The following RAPGEF5 variants were observed in gnomAD, a reference collection of about 807,000 sequenced individuals.
The protein encoded by RAPGEF5 is M-Ras-regulated GEF.
Under a neutral mutation model 125.2 loss-of-function variants are expected in RAPGEF5, and 65 were observed. The ratio of observed to expected loss-of-function variants is 0.52; its 90% CI spans 0.43 to 0.64. The LOEUF is 0.64. RAPGEF5 is among the 30% of genes least tolerant of loss of function. The pLI, the probability that RAPGEF5 is intolerant of heterozygous loss-of-function variation, is 0.00. For missense variants in RAPGEF5, 958 were observed against 1,048.1 expected (o/e 0.91, Z 1.19); for synonymous variants, 391 against 385.9 (o/e 1.01, Z -0.16).
At chr7:22,330,421 A>G (rs61398082) in intron 1 of RAPGEF5, among the ~76,000 whole-genome samples, 10,632 of 152,296 alleles carry the variant, frequency 0.07, 481 homozygotes, top group South Asian at 0.16. Context: ...GACAGAAGAC[A>G]GTGATAACCT....
intron 11 of RAPGEF5, among the ~76,000 whole-genome samples, chr7:22,187,433 C>T (rs1005040368): frequency 3.9e-5 from 6 of 152,108 alleles, no homozygotes; most frequent in African/African-American, 1.4e-4. Flanking sequence ...TATGCATTTT[C>T]TCCTTTCGTA....
chr7:22,259,911 C>T (rs980190652), intron 7 of RAPGEF5, among the ~76,000 whole-genome samples: 1 of 152,176 alleles, frequency 6.6e-6, no homozygotes, highest in African/African-American at 2.4e-5. Context: ...CATGGTGAAA[C>T]CCCGTCTACT....
chr7:22,262,357 A>T (rs1782176055), intron 7 of RAPGEF5, among the ~76,000 whole-genome samples: 1 of 152,208 alleles, frequency 6.6e-6, no homozygotes, highest in South Asian at 2.1e-4. Flanking sequence ...AAAAATGACG[A>T]AAAGGTATCA....
At chr7:22,341,043 CATATAA>C (rs1784118318) in intron 1 of RAPGEF5, among the ~76,000 whole-genome samples, 1 of 152,162 alleles carries the variant, frequency 6.6e-6, no homozygotes, top group Admixed American at 6.5e-5. Flanking sequence ...TGTTTTCTGA[CATATAA>C]ATATAAGAAA....
intron 20 of RAPGEF5, among the ~76,000 whole-genome samples, chr7:22,143,050 G>C (rs1359284703): frequency 6.6e-6 from 1 of 152,090 alleles, no homozygotes; most frequent in Non-Finnish European, 1.5e-5. Flanking sequence ...CTTATAGTGG[G>C]AACTGAGCTG....
chr7:22,325,538 G>A (rs1180686548), intron 1 of RAPGEF5, among the ~76,000 whole-genome samples: 1 of 152,158 alleles, frequency 6.6e-6, no homozygotes, highest in African/African-American at 2.4e-5. Context: ...TATACACAGA[G>A]GGAGTAGATA....
At position 22,154,493 on chromosome 7, in the gene RAPGEF5, T is replaced by A; in HGVS notation, c.1748A>T (p.Glu583Val). ...GATGGCCACCAGAGCCAGATCCTCTTCTGCATACTGGATCTTTTCTGCCAC... is the reference window on the plus strand; with the variant it reads ...GATGGCCACCAGAGCCAGATCCTCTACTGCATACTGGATCTTTTCTGCCAC... ...KVVAEKIQYA[E>V]EDLALVAITF... is the part of the protein sequence containing the mutation. Residue 583 changes from glutamate (E) to valine (V), a missense_variant, in exon 17 of 26, where the codon GAA becomes GTA. Physicochemically the swap from Glu to Val is moderately radical, Grantham distance 121. Transcript: ENST00000665637. 1.9e-6 allele frequency: 3 copies of A among 1,613,874 alleles called. No homozygotes were observed. The highest frequency in any genetic ancestry group is 2.5e-6 in the Non-Finnish European group (3 of 1,179,816).
intron 7 of RAPGEF5, among the ~76,000 whole-genome samples, chr7:22,259,975 T>G (rs547687286): frequency 6.6e-6 from 1 of 152,236 alleles, no homozygotes; most frequent in Non-Finnish European, 1.5e-5. Flanking sequence ...TCCCAGCTAC[T>G]TGGGAGGCTG....
At chr7:22,316,477 ATATATATATATATTTTT>A (rs1412420322) in intron 2 of RAPGEF5, among the ~76,000 whole-genome samples, 155 of 59,056 alleles carry the variant, frequency 2.6e-3, no homozygotes, top group African/African-American at 0.011. Flanking sequence ...ATATATATAT[ATATATATATATATTTTT>A]TTTTTTTTTT....
intron 6 of RAPGEF5, among the ~76,000 whole-genome samples, chr7:22,281,831 A>G (rs1341504409): frequency 6.6e-6 from 1 of 152,168 alleles, no homozygotes; most frequent in African/African-American, 2.4e-5. Flanking sequence ...TCCTCTCAGG[A>G]GCCTCACTGG....
At chr7:22,354,302 T>C (rs1376822800) in intron 1 of RAPGEF5, among the ~76,000 whole-genome samples, 1 of 152,194 alleles carries the variant, frequency 6.6e-6, no homozygotes, top group Non-Finnish European at 1.5e-5. Flanking sequence ...GTGTCTTTAC[T>C]AGTGGTAATG....
chr7:22,198,749 G>A (rs983151527), intron 9 of RAPGEF5, among the ~76,000 whole-genome samples: 1 of 152,138 alleles, frequency 6.6e-6, no homozygotes, highest in African/African-American at 2.4e-5. Flanking sequence ...TTACCATACA[G>A]CAGGCAAAGC....
At position 22,302,157 on chromosome 7, in the gene RAPGEF5, C is replaced by T. The variant is rs185426428; in HGVS notation, c.680+6182G>A. Among the ~76,000 whole-genome samples the T allele has an allele frequency of 5.3e-3, 813 of 152,342 alleles. 10 individuals are homozygous for T. Among genetic ancestry groups the T allele is most frequent in the Admixed American group, 8.2e-3 (125 of 15,308 alleles). On this transcript the variant is annotated intron_variant, in intron 5 of 25. Transcript: ENST00000665637. Reference sequence around the variant, plus strand: ...CATTAAGAGAAGCAAATTCCACGATCTTGTAATCCCTTTTGGATACAAATA... The same window carrying T: ...CATTAAGAGAAGCAAATTCCACGATTTTGTAATCCCTTTTGGATACAAATA...
intron 9 of RAPGEF5, among the ~76,000 whole-genome samples, chr7:22,205,422 G>C (rs1335024480): frequency 6.6e-6 from 1 of 152,144 alleles, no homozygotes; most frequent in Non-Finnish European, 1.5e-5. Context: ...TCGACTGTGG[G>C]AAACATCTCA....
chr7:22,159,424 T>G (rs911929215), intron 14 of RAPGEF5, among the ~76,000 whole-genome samples: 2 of 152,378 alleles, frequency 1.3e-5, no homozygotes, highest in Admixed American at 6.5e-5. Context: ...CACAAATTAG[T>G]AATCTGAAAG....
chr7:22,211,562 G>T (rs1025338976), intron 9 of RAPGEF5, among the ~76,000 whole-genome samples: 4 of 152,150 alleles, frequency 2.6e-5, no homozygotes, highest in African/African-American at 9.7e-5. Flanking sequence ...GACTTGAGCT[G>T]CCCACAGCAA....
intron 6 of RAPGEF5, among the ~76,000 whole-genome samples, chr7:22,279,119 A>G (rs192775165): frequency 6.6e-6 from 1 of 152,298 alleles, no homozygotes; most frequent in Admixed American, 6.5e-5. Flanking sequence ...AATTTTTGTT[A>G]TACAACTAGA....
chr7:22,171,961 C>A (rs1215923548), intron 11 of RAPGEF5, among the ~76,000 whole-genome samples: 1 of 152,098 alleles, frequency 6.6e-6, no homozygotes, highest in African/African-American at 2.4e-5. Flanking sequence ...AAAAAAGTAA[C>A]ATCTTGATAA....
At chr7:22,241,886 A>T (rs1214653813) in intron 7 of RAPGEF5, among the ~76,000 whole-genome samples, 1 of 152,158 alleles carries the variant, frequency 6.6e-6, no homozygotes, top group Non-Finnish European at 1.5e-5. Context: ...CAGAATCTGT[A>T]GAGATTCTGT....
Sources: gnomAD v4.1 joint callset for allele counts (sites outside exome capture counted in the v4.1 genomes callset) on GRCh38, gnomAD v4.1.1 for gene constraint, MANE v1.5 for transcripts, NCBI Gene and HGNC (gene_info 2026-07-23, HGNC 2026-07-21) for gene names.